SYS1: variants seen among roughly 807,000 people sequenced by gnomAD.
SYS1 encodes the protein protein SYS1 homolog.
A neutral mutation model predicts 17.8 loss-of-function variants in SYS1; 8 were observed. That is an observed-to-expected ratio of 0.45 (90% CI 0.26 to 0.81). The LOEUF (loss-of-function observed/expected upper bound fraction) is 0.81. SYS1 is among the 40% of genes least tolerant of loss of function. SYS1 has a pLI of 0.16. For synonymous variants in SYS1, 95 were observed against 90.9 expected, an observed-to-expected ratio of 1.05 and a Z score of -0.26; for missense variants, 161 against 203.9, an observed-to-expected ratio of 0.79 and a Z score of 1.28.
At chr20:45,363,358 G>A in intron 1 of SYS1, 43 bp downstream of exon 1, 1 of 1,425,944 alleles carries the variant, frequency 7.0e-7, no homozygotes, top group Non-Finnish European at 9.2e-7. Flanking sequence ...CGGGGGCCGC[G>A]CAGGCGGAAT....
At chr20:45,369,721 C>G (rs1988519105), downstream of SYS1, among the ~76,000 whole-genome samples, 2 of 151,500 alleles carry the variant, frequency 1.3e-5, no homozygotes, top group Admixed American at 1.3e-4. Context: ...CCTGCCGCAG[C>G]CCCCCAAGTA....
chr20:45,367,393 T>A lies in SYS1; in HGVS notation c.*278T>A. On this transcript the variant is annotated 3_prime_UTR_variant, in exon 4 of 4. Coordinates refer to ENST00000243918, the MANE Select transcript of SYS1 (RefSeq NM_033542.4). The stretch of plus-strand genomic sequence containing the variant: ...AACAGAATTGGAACCATGCCACTCT[T>A]GAGCCACAATACCTGTCACCAGCCT... 8.0e-7 allele frequency: 1 copy of A among 1,252,708 alleles called. No homozygotes were observed. The highest frequency in any genetic ancestry group is 1.0e-6 in the Non-Finnish European group (1 of 991,148). 77.6% of individuals were successfully genotyped at this position (1,252,708 alleles called of 1,614,324 possible).
At chr20:45,373,774 G>A (rs2294288), downstream of SYS1, 4 of 809,680 alleles carry the variant, frequency 4.9e-6, no homozygotes, top group Admixed American at 2.1e-5. Context: ...TAGGGGCCTC[G>A]GGGTGGGGGT....
chr20:45,374,149 CT>C, downstream of SYS1: 1 of 767,936 alleles, frequency 1.3e-6, no homozygotes, highest in Non-Finnish European at 2.2e-6. Context: ...AAAAGCCTCC[CT>C]TTAAGCTAGA....
exon 4 of SYS1, chr20:45,375,062 T>C: frequency 1.2e-6 from 2 of 1,613,942 alleles, no homozygotes; most frequent in Non-Finnish European, 1.7e-6. Flanking sequence ...CACATAGGCA[T>C]TTCAAGTGAT....
At chr20:45,365,472 T>A in intron 2 of SYS1, 147 bp from the exon 3 acceptor site, 1 of 804,178 alleles carries the variant, frequency 1.2e-6, no homozygotes, top group South Asian at 1.3e-5. Context: ...TGAAAGCACC[T>A]ATTGGAAATA....
chr20:45,371,286 CCCTGG>C (rs1485642401), downstream of SYS1, among the ~76,000 whole-genome samples: 3 of 152,168 alleles, frequency 2.0e-5, no homozygotes, highest in African/African-American at 7.2e-5. Flanking sequence ...CTAGCCCAGC[CCCTGG>C]CACGTAGGAA....
At chr20:45,371,026 C>A (rs1259870470), downstream of SYS1, among the ~76,000 whole-genome samples, 2 of 152,178 alleles carry the variant, frequency 1.3e-5, no homozygotes, top group Non-Finnish European at 2.9e-5. Context: ...CTTTAGAGAG[C>A]TGCAGTGGAG....
downstream of SYS1, chr20:45,373,922 T>C: frequency 6.2e-7 from 1 of 1,613,978 alleles, no homozygotes; most frequent in Non-Finnish European, 8.5e-7. Flanking sequence ...TGTAGACTCG[T>C]GAATTTCGCC....
In SYS1 at chr20:45,365,635, C is replaced by G. The variant is rs140247642; in HGVS notation, c.179C>G (p.Thr60Ser). The change falls in exon 3 of 4, where the codon ACC becomes AGC. Residue 60 changes from threonine (T) to serine (S), a missense_variant. Physicochemically the swap from Thr to Ser is moderately conservative, Grantham distance 58. Coordinates refer to ENST00000243918, the MANE Select transcript of SYS1 (RefSeq NM_033542.4). ...MFDAEILGFS[T>S]PPGRLSMMSF... ...CCCCCTCAGATCCTGGGCTTTTCCA[C>G]CCCTCCAGGCCGGCTCTCCATGATG... 770 of 1,614,146 alleles carry G rather than the reference C, an allele frequency of 4.8e-4. 6 individuals carry two copies. The African/African-American group carries it at 9.2e-3, about 19-fold the overall frequency.
exon 4 of SYS1, chr20:45,375,098 G>A (rs1330303041): frequency 6.8e-6 from 11 of 1,613,936 alleles, no homozygotes; most frequent in African/African-American, 2.7e-5. Context: ...GTGCAGCGGC[G>A]CTTGACCCAA....
Position 45,368,388 on chromosome 20 carries a change from C to A in SYS1, c.*1273C>A. ...TTTCTGAACATGTTCAATGGAGCGG[C>A]ACACAGTCTAGACCCACTTCCGCAT... is the stretch of plus-strand genomic sequence containing the variant. On this transcript the variant is annotated 3_prime_UTR_variant, in exon 4 of 4. Coordinates refer to ENST00000243918, the MANE Select transcript of SYS1 (RefSeq NM_033542.4). 1 of 985,458 alleles carries A rather than the reference C, an allele frequency of 1.0e-6. No homozygotes were observed. Among genetic ancestry groups the A allele is most frequent in the Non-Finnish European group, 1.2e-6 (1 of 829,940 alleles). 61.0% of individuals were successfully genotyped at this position (985,458 alleles called of 1,614,324 possible).
At chr20:45,362,492 G>C (rs772836860), upstream of SYS1, among the ~76,000 whole-genome samples, 2 of 151,946 alleles carry the variant, frequency 1.3e-5, no homozygotes, top group Non-Finnish European at 2.9e-5. Context: ...TCAGCCTCCC[G>C]AGTAGCTAGG....
At chr20:45,375,045 T>A in exon 4 of SYS1, 1 of 1,612,854 alleles carries the variant, frequency 6.2e-7, no homozygotes. Flanking sequence ...CCACCTTGTA[T>A]GGATGCCACA....
chr20:45,364,857 A>G (rs1429403146), intron 2 of SYS1, among the ~76,000 whole-genome samples: 3 of 152,208 alleles, frequency 2.0e-5, no homozygotes, highest in Non-Finnish European at 4.4e-5. Flanking sequence ...GCAAGTTATT[A>G]TCCAAAAAGT....
Position 45,367,250 on chromosome 20 carries a change from T to A in SYS1, c.*135T>A. 6.7e-7 allele frequency: 1 copy of A among 1,485,326 alleles called. No homozygotes were observed. 92.0% of individuals were successfully genotyped at this position (1,485,326 alleles called of 1,614,324 possible). On this transcript the variant is annotated 3_prime_UTR_variant, in exon 4 of 4. Coordinates refer to ENST00000243918, the MANE Select transcript of SYS1 (RefSeq NM_033542.4). ...GAAGTCTCTGTTGGTTTGGGAGAGA[T>A]AGTGAGGGCCTGTCAAAGAAGGCAG...
chr20:45,362,388 C>T (rs1988251662), upstream of SYS1, among the ~76,000 whole-genome samples: 1 of 148,172 alleles, frequency 6.7e-6, no homozygotes. Flanking sequence ...TATTTAGAGA[C>T]GGAGTTTTGC....
exon 4 of SYS1, chr20:45,374,877 T>G (rs1988674280): frequency 2.1e-6 from 2 of 960,656 alleles, no homozygotes; most frequent in East Asian, 5.0e-5. Context: ...GATGTTGGTC[T>G]AAGGCTTCCC....
At chr20:45,374,789 T>A in exon 4 of SYS1, 2 of 532,264 alleles carry the variant, frequency 3.8e-6, no homozygotes, top group Non-Finnish European at 6.6e-6. Flanking sequence ...GTGAGATGGC[T>A]CACTTCAGTG....
Sources: gnomAD v4.1 joint callset for allele counts (sites outside exome capture counted in the v4.1 genomes callset) on GRCh38, gnomAD v4.1.1 for gene constraint, MANE v1.5 for transcripts, NCBI Gene and HGNC (gene_info 2026-07-23, HGNC 2026-07-21) for gene names.